TSPAN5: variants seen among roughly 807,000 people sequenced by gnomAD.
The protein encoded by TSPAN5 is tetraspanin 5.
TSPAN5 carries 10 observed loss-of-function variants against 37.1 expected under a neutral mutation model. The observed-to-expected ratio is 0.27, with a 90% CI of 0.17 to 0.46. TSPAN5 has a LOEUF of 0.46. Among genes scored for constraint, TSPAN5 ranks in the 20% least tolerant of loss-of-function variants. TSPAN5 has a pLI of 1.00. For missense variants in TSPAN5, 195 were observed against 326.6 expected (o/e 0.60, Z 3.11); for synonymous variants, 110 against 118.9 (o/e 0.93, Z 0.48).
intron 1 of TSPAN5, among the ~76,000 whole-genome samples, chr4:98,601,394 A>G (rs1417096974): frequency 6.6e-6 from 1 of 152,212 alleles, no homozygotes; most frequent in African/African-American, 2.4e-5. Flanking sequence ...ACCTTCATCA[A>G]TTATCTTAGC....
At chr4:98,567,383 C>A (rs1299657529) in intron 1 of TSPAN5, among the ~76,000 whole-genome samples, 1 of 152,072 alleles carries the variant, frequency 6.6e-6, no homozygotes, top group Non-Finnish European at 1.5e-5. Context: ...TGTATGTGCC[C>A]ATCACAACAT....
intron 1 of TSPAN5, among the ~76,000 whole-genome samples, chr4:98,547,011 A>G (rs1177069947): frequency 6.6e-6 from 1 of 152,206 alleles, no homozygotes; most frequent in Non-Finnish European, 1.5e-5. Flanking sequence ...CCCCAGGCAC[A>G]CGGCTGATGT....
At chr4:98,649,058 TAAA>T (rs1325713718) in intron 1 of TSPAN5, among the ~76,000 whole-genome samples, 1 of 152,180 alleles carries the variant, frequency 6.6e-6, no homozygotes, top group Non-Finnish European at 1.5e-5. Flanking sequence ...TTCCAAGAGA[TAAA>T]AACCCACACG....
intron 1 of TSPAN5, among the ~76,000 whole-genome samples, chr4:98,526,216 G>A (rs1037152576): frequency 6.6e-6 from 1 of 152,162 alleles, no homozygotes; most frequent in Non-Finnish European, 1.5e-5. Flanking sequence ...ACAAAGTCAA[G>A]TCAGGAAACA....
intron 1 of TSPAN5, among the ~76,000 whole-genome samples, chr4:98,571,450 GCT>G (rs1491107155): frequency 1.0e-5 from 1 of 96,664 alleles, no homozygotes; most frequent in Non-Finnish European, 2.1e-5. Flanking sequence ...AACCGTTCTG[GCT>G]TTTTTTTTTT....
chr4:98,559,432 C>T (rs942480575), intron 1 of TSPAN5, among the ~76,000 whole-genome samples: 5 of 152,028 alleles, frequency 3.3e-5, no homozygotes, highest in African/African-American at 1.2e-4. Flanking sequence ...ATTTATAAAT[C>T]TGAGTAAGAA....
rs187977649 is a variant in TSPAN5, at chr4:98,559,987, G to A, written c.82-52259C>T. 6.1e-4 allele frequency among the ~76,000 whole-genome samples: 93 copies of A among 152,258 alleles called. No homozygotes were observed. In the East Asian group the frequency reaches 0.013, roughly 22 times the overall value. Reference sequence around the variant, plus strand: ...TAACCAATCCTTTCAAAAAACAGGCGTTCTCTTAAAATTAATTCTTATCAT... The same window carrying A: ...TAACCAATCCTTTCAAAAAACAGGCATTCTCTTAAAATTAATTCTTATCAT... On this transcript the variant is annotated intron_variant, in intron 1 of 7. Coordinates refer to ENST00000305798, the MANE Select transcript of TSPAN5 (RefSeq NM_005723.4).
At chr4:98,653,533 A>G (rs1757234785) in intron 1 of TSPAN5, among the ~76,000 whole-genome samples, 1 of 152,116 alleles carries the variant, frequency 6.6e-6, no homozygotes, top group Non-Finnish European at 1.5e-5. Context: ...TATAAAATCT[A>G]TTGAATCCAT....
chr4:98,611,699 G>A (rs1241884528), intron 1 of TSPAN5, among the ~76,000 whole-genome samples: 6 of 152,246 alleles, frequency 3.9e-5, no homozygotes, highest in Non-Finnish European at 7.3e-5. Flanking sequence ...TAAGAACAGG[G>A]TCTTCCCAGG....
intron 1 of TSPAN5, among the ~76,000 whole-genome samples, chr4:98,616,673 T>A (rs1048617085): frequency 6.6e-6 from 1 of 152,136 alleles, no homozygotes; most frequent in African/African-American, 2.4e-5. Flanking sequence ...ACTGTAATAA[T>A]ATGTTTCTAT....
intron 1 of TSPAN5, among the ~76,000 whole-genome samples, chr4:98,598,612 G>A (rs369437359): frequency 5.9e-5 from 9 of 152,000 alleles, no homozygotes; most frequent in African/African-American, 2.2e-4. Flanking sequence ...CTACAGGTGC[G>A]TGCCACTATA....
At chr4:98,610,405 G>C (rs973500548) in intron 1 of TSPAN5, among the ~76,000 whole-genome samples, 1 of 152,196 alleles carries the variant, frequency 6.6e-6, no homozygotes, top group African/African-American at 2.4e-5. Flanking sequence ...TCAAACCATA[G>C]TAGAGCTCCA....
chr4:98,539,110 A>G (rs865968024), intron 1 of TSPAN5, among the ~76,000 whole-genome samples: 4 of 150,308 alleles, frequency 2.7e-5, no homozygotes, highest in South Asian at 4.2e-4. Context: ...CTGTATTTGC[A>G]TAAACAAAAT....
intron 1 of TSPAN5, among the ~76,000 whole-genome samples, chr4:98,618,465 A>C (rs1192356496): frequency 6.6e-6 from 1 of 152,242 alleles, no homozygotes; most frequent in East Asian, 1.9e-4. Context: ...CATTTGTATA[A>C]TAGCAGTCGT....
intron 1 of TSPAN5, among the ~76,000 whole-genome samples, chr4:98,613,479 C>A (rs1756249023): frequency 6.6e-6 from 1 of 152,130 alleles, no homozygotes; most frequent in Non-Finnish European, 1.5e-5. Context: ...ATAAACTAGG[C>A]TAGTTTAGTA....
chr4:98,626,242 T>G (rs975363230), intron 1 of TSPAN5, among the ~76,000 whole-genome samples: 2 of 152,158 alleles, frequency 1.3e-5, no homozygotes, highest in African/African-American at 4.8e-5. Context: ...TCTTATGTAT[T>G]CTAAAGGTTG....
At chr4:98,538,377 C>T (rs2037832) in intron 1 of TSPAN5, among the ~76,000 whole-genome samples, 119,452 of 152,100 alleles carry the variant, frequency 0.79, 47,657 homozygotes, top group African/African-American at 0.93. Context: ...GAAAGCCACA[C>T]ACCAGCAGTA....
chr4:98,563,005 G>C (rs1374414385), intron 1 of TSPAN5, among the ~76,000 whole-genome samples: 2 of 152,114 alleles, frequency 1.3e-5, no homozygotes, highest in Non-Finnish European at 2.9e-5. Context: ...TCATGGGAGG[G>C]AATGAAACTG....
intron 1 of TSPAN5, among the ~76,000 whole-genome samples, chr4:98,618,381 A>T (rs887706457): frequency 6.6e-6 from 1 of 152,222 alleles, no homozygotes; most frequent in African/African-American, 2.4e-5. Context: ...GCAAAACCAG[A>T]ATAAAATCAA....
Sources: allele counts gnomAD v4.1 joint callset (sites outside exome capture counted in the v4.1 genomes callset), GRCh38; gene constraint gnomAD v4.1.1; transcripts MANE v1.5; gene names NCBI Gene and HGNC (gene_info 2026-07-23, HGNC 2026-07-21).